NKAIN2: variants seen among roughly 807,000 people sequenced by gnomAD.
NKAIN2 encodes sodium/potassium-transporting ATPase subunit beta-1-interacting protein 2.
In NKAIN2, 14 loss-of-function variants were observed where a neutral mutation model predicts 32.6. The observed-to-expected ratio is 0.43, with a 90% CI of 0.28 to 0.67. The LOEUF is 0.67. Ranked by LOEUF, NKAIN2 falls within the 30% of genes least tolerant of loss-of-function variation. NKAIN2 has a pLI of 0.17. For missense variants in NKAIN2, 198 were observed against 258.3 expected, an observed-to-expected ratio of 0.77 and a Z score of 1.60; for synonymous variants, 80 against 87.2, an observed-to-expected ratio of 0.92 and a Z score of 0.46.
chr6:124,641,917 G>T (rs1367742571), intron 3 of NKAIN2, among the ~76,000 whole-genome samples: 3 of 151,964 alleles, frequency 2.0e-5, no homozygotes, highest in East Asian at 3.9e-4. Flanking sequence ...TTAGAGCAAT[G>T]GTTGTAATGT....
chr6:123,888,420 C>T (rs539930151), intron 1 of NKAIN2, among the ~76,000 whole-genome samples: 12 of 152,072 alleles, frequency 7.9e-5, no homozygotes, highest in Non-Finnish European at 1.3e-4. Context: ...ACAAAGGTAA[C>T]ATTTTAAGTC....
Position 124,357,948 on chromosome 6 carries a change from C to T in NKAIN2, c.273+2601C>T, listed in dbSNP as rs545875790. On this transcript the variant is annotated intron_variant, in intron 3 of 6. Transcript: ENST00000368417. The stretch of plus-strand genomic sequence containing the variant: ...CCCAACCCGCACGCCACAACAGGCC[C>T]CTGTGTGTGATGTTCCCCTTCCTGT... 5.3e-5 allele frequency among the ~76,000 whole-genome samples: 8 copies of T among 152,168 alleles called. No individual in the cohort carries two copies. The East Asian group carries it at 1.5e-3, about 29-fold the overall frequency.
intron 3 of NKAIN2, among the ~76,000 whole-genome samples, chr6:124,642,722 G>T (rs1039523797): frequency 6.6e-6 from 1 of 152,118 alleles, no homozygotes; most frequent in Non-Finnish European, 1.5e-5. Flanking sequence ...TTGTAAAGAT[G>T]AAATGCATAT....
intron 3 of NKAIN2, among the ~76,000 whole-genome samples, chr6:124,362,780 A>G (rs1799345717): frequency 6.6e-6 from 1 of 152,174 alleles, no homozygotes; most frequent in Non-Finnish European, 1.5e-5. Flanking sequence ...AGAAGAAAAA[A>G]GAGATAAAAC....
intron 3 of NKAIN2, among the ~76,000 whole-genome samples, chr6:124,583,161 G>A (rs1230228838): frequency 6.7e-6 from 1 of 149,190 alleles, no homozygotes; most frequent in Admixed American, 6.7e-5. Context: ...AATTGGAAAG[G>A]AAGAAGTCAA....
chr6:124,759,653 ACACC>A (rs201868590), intron 4 of NKAIN2, among the ~76,000 whole-genome samples: 4,188 of 65,956 alleles, frequency 0.063, 601 homozygotes, highest in South Asian at 0.11. Context: ...ACACACACAC[ACACC>A]CCCTATCTCC....
At chr6:124,289,573 C>G (rs1050282704) in intron 2 of NKAIN2, among the ~76,000 whole-genome samples, 1 of 152,126 alleles carries the variant, frequency 6.6e-6, no homozygotes, top group Admixed American at 6.6e-5. Flanking sequence ...GAATCGCATA[C>G]TCAATTTGCA....
At chr6:124,020,214 T>A (rs1401735012) in intron 1 of NKAIN2, among the ~76,000 whole-genome samples, 1 of 152,112 alleles carries the variant, frequency 6.6e-6, no homozygotes, top group African/African-American at 2.4e-5. Flanking sequence ...AAAGCCAATG[T>A]GAAAATGGGT....
Position 124,524,044 on chromosome 6 carries a change from G to A in NKAIN2, c.274-134142G>A, listed in dbSNP as rs560083843. Among the ~76,000 whole-genome samples, 72 of 152,194 alleles carry A rather than the reference G, an allele frequency of 4.7e-4. 1 individual carries two copies. In the South Asian group the frequency reaches 0.015, roughly 31 times the overall value. ...CCTGGAAATGACTACCAATTTAAAA[G>A]AGCTTAGTATTTCCACTAAGAAATT... On this transcript the variant is annotated intron_variant, in intron 3 of 6. Coordinates refer to ENST00000368417, the MANE Select transcript of NKAIN2 (RefSeq NM_001040214.3).
chr6:124,712,348 A>T lies in NKAIN2; in HGVS notation c.474+53962A>T, dbSNP rs1775531710. Among the ~76,000 whole-genome samples, 2 of 114,592 alleles carry T rather than the reference A, an allele frequency of 1.7e-5. 1 individual carries two copies. Among genetic ancestry groups the T allele is most frequent in the Non-Finnish European group, 3.7e-5 (2 of 54,208 alleles). The allele number at this position is 114,592 out of a possible 152,430, so 75.2% of individuals were successfully genotyped here. On this transcript the variant is annotated intron_variant, in intron 4 of 6. Coordinates refer to ENST00000368417, the MANE Select transcript of NKAIN2 (RefSeq NM_001040214.3). The stretch of plus-strand genomic sequence containing the variant: ...CCTTGAGCTGTGGTGGGCTCCGCCC[A>T]GTTGGAGCTTTCTGGCTGCTTTGTT...
intron 3 of NKAIN2, among the ~76,000 whole-genome samples, chr6:124,516,484 T>C (rs1417954149): frequency 2.0e-5 from 3 of 152,192 alleles, no homozygotes; most frequent in African/African-American, 4.8e-5. Flanking sequence ...AATAGGTGTT[T>C]TTAGTTAATT....
At chr6:124,606,547 A>G (rs539870614) in intron 3 of NKAIN2, among the ~76,000 whole-genome samples, 1 of 152,274 alleles carries the variant, frequency 6.6e-6, no homozygotes, top group South Asian at 2.1e-4. Flanking sequence ...TTGTACATCC[A>G]TTAGAAATAT....
At chr6:124,194,055 T>C (rs182866363) in intron 1 of NKAIN2, among the ~76,000 whole-genome samples, 1 of 152,174 alleles carries the variant, frequency 6.6e-6, no homozygotes, top group Admixed American at 6.5e-5. Flanking sequence ...TCTGGGGCTT[T>C]TATGGGTCTC....
intron 3 of NKAIN2, among the ~76,000 whole-genome samples, chr6:124,537,400 T>A (rs1176335749): frequency 6.6e-6 from 1 of 152,248 alleles, no homozygotes; most frequent in Non-Finnish European, 1.5e-5. Flanking sequence ...TGGTTGTTAG[T>A]GTCCCCAGTT....
chr6:124,396,451 A>G (rs983906580), intron 3 of NKAIN2, among the ~76,000 whole-genome samples: 2 of 151,606 alleles, frequency 1.3e-5, no homozygotes, highest in Non-Finnish European at 2.9e-5. Flanking sequence ...AAGAAAAGAA[A>G]AAAAGAGATT....
At position 123,804,156 on chromosome 6, in the gene NKAIN2, T is replaced by C; in HGVS notation, c.-45T>C. The C allele has an allele frequency of 1.3e-6, 2 of 1,584,012 alleles. No individual in the cohort carries two copies. The highest frequency in any genetic ancestry group is 1.3e-5 in the African/African-American group (1 of 74,404). ...ATTGGATAAAGTGGGGGCTCGACGGTGGCCGACGTGGGACAGTCTGGCTGT... is the reference window on the plus strand; with the variant it reads ...ATTGGATAAAGTGGGGGCTCGACGGCGGCCGACGTGGGACAGTCTGGCTGT... On this transcript the variant is annotated 5_prime_UTR_variant, in exon 1 of 7. Coordinates refer to ENST00000368417, the MANE Select transcript of NKAIN2 (RefSeq NM_001040214.3).
At chr6:124,621,577 T>A (rs1783108028) in intron 3 of NKAIN2, among the ~76,000 whole-genome samples, 1 of 152,158 alleles carries the variant, frequency 6.6e-6, no homozygotes, top group Admixed American at 6.5e-5. Context: ...GCCAAAAGTG[T>A]CATGTGGCTC....
intron 1 of NKAIN2, among the ~76,000 whole-genome samples, chr6:124,241,975 T>C (rs1793124810): frequency 6.6e-6 from 1 of 151,958 alleles, no homozygotes; most frequent in Admixed American, 6.6e-5. Context: ...GCAATACCAT[T>C]CAGGACATAG....
chr6:124,676,815 A>G (rs1166733852), intron 4 of NKAIN2, among the ~76,000 whole-genome samples: 1 of 151,944 alleles, frequency 6.6e-6, no homozygotes, highest in East Asian at 1.9e-4. Context: ...AGTATGGCCC[A>G]CCCCTACACT....
Sources: allele counts gnomAD v4.1 joint callset (sites outside exome capture counted in the v4.1 genomes callset), GRCh38; gene constraint gnomAD v4.1.1; transcripts MANE v1.5; gene names NCBI Gene and HGNC (gene_info 2026-07-23, HGNC 2026-07-21).